DSP: variants seen among roughly 807,000 people sequenced by gnomAD.
DSP encodes the protein desmoplakin.
In DSP, 114 loss-of-function variants were observed where a neutral mutation model predicts 290.6. That is an observed-to-expected ratio of 0.39 (90% CI 0.34 to 0.46). The LOEUF is 0.46. DSP is among the 20% of genes least tolerant of loss of function. The pLI is 0.99. For missense variants in DSP, 3,230 were observed against 3,495.8 expected, an observed-to-expected ratio of 0.92 and a Z score of 1.92; for synonymous variants, 1,311 against 1,316.4, an observed-to-expected ratio of 1.00 and a Z score of 0.09.
rs372017676 is a variant in DSP, at chr6:7,565,636, C to A, written c.939+116C>A. 1.9e-5 allele frequency: 26 copies of A among 1,386,746 alleles called. No individual in the cohort carries two copies. The highest frequency in any genetic ancestry group is 1.1e-4 in the South Asian group (9 of 82,012). 85.9% of individuals were successfully genotyped at this position (1,386,746 alleles called of 1,614,324 possible). ...TTTAATCAGCCACTTGCAATTCAGC[C>A]TTCTTTGAAATGGTCGTGAAAAATC... is the stretch of plus-strand genomic sequence containing the variant. On this transcript the variant is annotated intron_variant, in intron 7 of 23. Coordinates refer to ENST00000379802, the MANE Select transcript of DSP (RefSeq NM_004415.4). This position sits in a 1 kb window ranked among gnomAD's most constrained non-coding sequence, Gnocchi z 4.2.
rs754074127 is a variant in DSP, at chr6:7,585,770, A to G, written c.8508A>G (p.Gly2836=). The G allele has an allele frequency of 4.4e-5, 71 of 1,609,118 alleles. No individual in the cohort carries two copies. Among genetic ancestry groups the G allele is most frequent in the Non-Finnish European group, 5.9e-5 (70 of 1,177,772 alleles). The change falls in exon 24 of 24, where the codon GGA becomes GGG. Residue 2836 remains glycine (G), a synonymous_variant. Coordinates refer to ENST00000379802, the MANE Select transcript of DSP (RefSeq NM_004415.4). ...GCTCCCGCTCGGGATCTCGCTCCGG[A>G]TCTCGCTCCGGGTCCCGCAGTGGGT... ...RSGSRSGSRS[G]SRSGSRSGSR...
rs1021772424 is a variant in DSP at position 7,567,516 on chromosome 6, T to A, written c.1140+67T>A. ...AATACCTAATCTTTTGAGTGTGTTT[T>A]ATAAAGCACTGAAAATAATCTTCAA... On this transcript the variant is annotated intron_variant, in intron 9 of 23. Transcript: ENST00000379802. 6 of 1,356,886 alleles carry A rather than the reference T, an allele frequency of 4.4e-6. No individual in the cohort carries two copies. The Admixed American group carries it at 1.0e-4, about 23-fold the overall frequency. 84.1% of individuals were successfully genotyped at this position (1,356,886 alleles called of 1,614,324 possible).
In DSP at chr6:7,581,257, A is replaced by G; in HGVS notation, c.5067A>G (p.Ile1689Met). The G allele has an allele frequency of 6.2e-7, 1 of 1,614,188 alleles. No individual in the cohort carries two copies. The highest frequency in any genetic ancestry group is 1.3e-5 in the African/African-American group (1 of 75,068). Residue 1689 changes from isoleucine (I) to methionine (M), a missense_variant, in exon 23 of 24, where the codon ATA becomes ATG. Coordinates refer to ENST00000379802, the MANE Select transcript of DSP (RefSeq NM_004415.4). ...HLRNEHFQKA[I>M]EDKSRSLNES... The stretch of plus-strand genomic sequence containing the variant: ...GGAATGAGCATTTCCAGAAGGCGAT[A>G]GAAGATAAAAGCAGAAGCTTAAATG...
intron 18 of DSP, among the ~76,000 whole-genome samples, chr6:7,575,693 C>A (rs981080040): frequency 1.4e-4 from 21 of 152,202 alleles, no homozygotes; most frequent in Admixed American, 1.0e-3. Context: ...CAACCCTGTG[C>A]AGGCCAGGTG....
rs750438076 is a variant in DSP, at chr6:7,585,778, C to T, written c.8516C>T (p.Ser2839Phe). 4 of 1,609,240 alleles carry T rather than the reference C, an allele frequency of 2.5e-6. No individual in the cohort carries two copies. Among genetic ancestry groups the T allele is most frequent in the Non-Finnish European group, 3.4e-6 (4 of 1,178,232 alleles). Residue 2839 changes from serine to phenylalanine, a missense_variant, in exon 24 of 24, where the codon TCC becomes TTC. By Grantham distance (155) the Ser-to-Phe change is radical. Coordinates refer to ENST00000379802, the MANE Select transcript of DSP (RefSeq NM_004415.4). ...TCGGGATCTCGCTCCGGATCTCGCT[C>T]CGGGTCCCGCAGTGGGTCCCGGAGA... Reference protein sequence around the residue: ...SRSGSRSGSRSGSRSGSRRGS... With the variant: ...SRSGSRSGSRFGSRSGSRRGS...
chr6:7,571,348 T>A (rs1694373864), intron 13 of DSP, 35 bp from the exon 14 acceptor site: 3 of 1,613,604 alleles, frequency 1.9e-6, no homozygotes, highest in Non-Finnish European at 2.5e-6. Flanking sequence ...GGGGCAGTCA[T>A]AAATCCCAAA....
chr6:7,584,992 T>A lies in DSP; in HGVS notation c.7730T>A (p.Val2577Asp). Residue 2577 changes from valine to aspartate, a missense_variant, in exon 24 of 24, where the codon GTC becomes GAC. This residue lies in a region of DSP where 582 missense variants were observed against 555.4 expected (regional missense o/e 1.05). Coordinates refer to ENST00000379802, the MANE Select transcript of DSP (RefSeq NM_004415.4). This position sits in a 1 kb window ranked among gnomAD's most constrained non-coding sequence, Gnocchi z 6.4. The part of the protein sequence containing the change: ...VGTSSSMGSG[V>D]SDDVFSSSRH... Reference sequence around the variant, plus strand: ...ACCAGCAGCAGCATGGGCAGTGGTGTCAGCGATGATGTTTTTAGCAGCTCC... The same window carrying A: ...ACCAGCAGCAGCATGGGCAGTGGTGACAGCGATGATGTTTTTAGCAGCTCC... 2 of 1,614,174 alleles carry A rather than the reference T, an allele frequency of 1.2e-6. No homozygotes were observed. Among genetic ancestry groups the A allele is most frequent in the Non-Finnish European group, 1.7e-6 (2 of 1,180,038 alleles).
intron 1 of DSP, among the ~76,000 whole-genome samples, chr6:7,545,176 G>A (rs751646151): frequency 7.2e-5 from 11 of 152,168 alleles, no homozygotes; most frequent in Non-Finnish European, 1.6e-4. Context: ...TTTTTCTTCA[G>A]ATCTCATGAT....
intron 16 of DSP, among the ~76,000 whole-genome samples, 187 bp downstream of exon 16, chr6:7,574,439 A>G (rs1486838906): frequency 6.6e-6 from 1 of 152,144 alleles, no homozygotes; most frequent in Admixed American, 6.5e-5. Context: ...CTGAACTATA[A>G]TGTTATCTTA....
intron 1 of DSP, among the ~76,000 whole-genome samples, chr6:7,548,254 G>A (rs954175470): frequency 2.0e-5 from 3 of 151,496 alleles, no homozygotes; most frequent in Non-Finnish European, 2.9e-5. Context: ...GCAACAGAGC[G>A]AGACTCCGTG....
rs752941845 is a variant in DSP, at chr6:7,559,282, G to A, written c.479G>A (p.Arg160Gln). The change falls in exon 4 of 24, where the codon CGA becomes CAA. Residue 160 changes from arginine to glutamine, a missense_variant. Arg to Gln is a conservative substitution (Grantham distance 43, BLOSUM62 1). Coordinates refer to ENST00000379802, the MANE Select transcript of DSP (RefSeq NM_004415.4). ...RALYKAISVP[R>Q]VRRASSKGGG... ...CTTTATAAAGCCATCAGTGTCCCTC[G>A]AGTCCGCAGGGCCAGCTCCAAGGGT... is the stretch of plus-strand genomic sequence containing the variant. The A allele has an allele frequency of 7.4e-6, 12 of 1,613,832 alleles. No individual in the cohort carries two copies. In the East Asian group the frequency reaches 2.5e-4, roughly 33 times the overall value.
Position 7,576,413 on chromosome 6 carries a change from T to G in DSP, c.2750T>G (p.Phe917Cys). ...CAGGATTCCTTAGAATCCATGAAAT[T>G]TGGAGATTCCAACACAGTCATGCGG... ...RRQDSLESMK[F>C]GDSNTVMRFL... The change falls in exon 19 of 24, where the codon TTT (phenylalanine) becomes TGT (cysteine). Residue 917 changes from phenylalanine to cysteine, a missense_variant. Coordinates refer to ENST00000379802, the MANE Select transcript of DSP (RefSeq NM_004415.4). 6.2e-7 allele frequency: 1 copy of G among 1,614,144 alleles called. No homozygotes were observed. The highest frequency in any genetic ancestry group is 8.5e-7 in the Non-Finnish European group (1 of 1,180,016).
In DSP at chr6:7,583,679, C is replaced by G; in HGVS notation, c.6417C>G (p.Asn2139Lys). 1 of 1,614,154 alleles carries G rather than the reference C, an allele frequency of 6.2e-7. No homozygotes were observed. The highest frequency in any genetic ancestry group is 8.5e-7 in the Non-Finnish European group (1 of 1,180,034). ...IASGGVVDPVNSVFLPKDVAL... is the reference protein window; with the variant it reads ...IASGGVVDPVKSVFLPKDVAL... ...CAGGGGGTGTAGTAGACCCTGTGAA[C>G]AGTGTCTTTTTGCCAAAAGATGTCG... The change falls in exon 24 of 24, where the codon AAC (asparagine) becomes AAG (lysine). Residue 2139 changes from asparagine (N) to lysine (K), a missense_variant. Around this residue, in one of 5 missense-constraint regions of DSP, gnomAD observed 1,714 missense variants for 1,844.5 expected, o/e 0.93. Transcript: ENST00000379802. The surrounding 1 kb of genome is among the most constrained non-coding windows in gnomAD (Gnocchi z 4.0).
At chr6:7,559,110 TA>T (rs1284754840) in intron 3 of DSP, 115 bp from the exon 4 acceptor site, 13 of 1,198,532 alleles carry the variant, frequency 1.1e-5, no homozygotes, top group Non-Finnish European at 1.6e-5. Flanking sequence ...TCAAATACCA[TA>T]AAACATTTGT....
At chr6:7,547,398 C>G (rs1298778634) in intron 1 of DSP, among the ~76,000 whole-genome samples, 2 of 151,812 alleles carry the variant, frequency 1.3e-5, no homozygotes. Context: ...GCAAACAGAT[C>G]AAAGGTTCTG....
In DSP at chr6:7,585,186, G is replaced by A. The variant is rs869025397; in HGVS notation, c.7924G>A (p.Val2642Ile). The A allele has an allele frequency of 8.7e-6, 14 of 1,614,014 alleles. No individual in the cohort carries two copies. The highest frequency in any genetic ancestry group is 3.3e-5 in the Admixed American group (2 of 59,992). The change falls in exon 24 of 24, where the codon GTT (valine) becomes ATT (isoleucine). Residue 2642 changes from valine (V) to isoleucine (I), a missense_variant. This residue lies in a region of DSP where 582 missense variants were observed against 555.4 expected (regional missense o/e 1.05). Transcript: ENST00000379802. ...SITEGIERGIVDSITGQRLLE... is the reference protein window; with the variant it reads ...SITEGIERGIIDSITGQRLLE... ...TACAGAAGGTATAGAGCGGGGCATC[G>A]TTGACAGCATCACGGGTCAGAGGCT...
rs1221504284 is a variant in DSP, at chr6:7,585,105, G to A, written c.7843G>A (p.Glu2615Lys). The change falls in exon 24 of 24, where the codon GAA (glutamate) becomes AAA (lysine). Residue 2615 changes from glutamate to lysine, a missense_variant. Physicochemically the swap from Glu to Lys is moderately conservative, Grantham distance 56. Around this residue, in one of 5 missense-constraint regions of DSP, gnomAD observed 582 missense variants for 555.4 expected, o/e 1.05. Coordinates refer to ENST00000379802, the MANE Select transcript of DSP (RefSeq NM_004415.4). ...CAGCTCTTTTTCAGACACCCTGGAA[G>A]AATCGAGCCCCATTGCAGCCATCTT... ...RSSSFSDTLE[E>K]SSPIAAIFDT... The A allele has an allele frequency of 6.2e-7, 1 of 1,614,190 alleles. No individual in the cohort carries two copies. The highest frequency in any genetic ancestry group is 1.7e-5 in the Admixed American group (1 of 60,026).
rs140128645 is a variant in DSP, at chr6:7,559,087, G to GAA, written c.423-131_423-130dup. On this transcript the variant is annotated intron_variant, in intron 3 of 23. Coordinates refer to ENST00000379802, the MANE Select transcript of DSP (RefSeq NM_004415.4). The stretch of plus-strand genomic sequence containing the variant: ...ATTAAGACTTAAGTCCTGGGGTAAA[G>GAA]AAAAAAAAATCTTCAAATACCATAA... 3.1e-6 allele frequency: 3 copies of GAA among 977,718 alleles called. No individual in the cohort carries two copies. The African/African-American group carries it at 5.0e-5, about 16-fold the overall frequency. The allele number at this position is 977,718 out of a possible 1,614,324, so 60.6% of individuals were successfully genotyped here. A position where few individuals can be genotyped will look rare whatever the true frequency, so the allele number is the denominator to read the frequency against.
At chr6:7,548,949 A>G (rs1413213635) in intron 1 of DSP, among the ~76,000 whole-genome samples, 2 of 152,200 alleles carry the variant, frequency 1.3e-5, no homozygotes, top group African/African-American at 4.8e-5. Flanking sequence ...AAGTGTTTGT[A>G]GGAGTCCAAG....
Sources: allele counts gnomAD v4.1 joint callset (sites outside exome capture counted in the v4.1 genomes callset), GRCh38; gene constraint gnomAD v4.1.1; regional missense constraint gnomAD v4.1.1; non-coding constraint Gnocchi (gnomAD v3.1); transcripts MANE v1.5; gene names NCBI Gene and HGNC (gene_info 2026-07-23, HGNC 2026-07-21).